DENND5A: variants seen among roughly 807,000 people sequenced by gnomAD.
DENND5A encodes the protein DENN domain containing 5A, also known as DENN domain-containing protein 5A.
Under a neutral mutation model 140.3 loss-of-function variants are expected in DENND5A, and 64 were observed. That is an observed-to-expected ratio of 0.46 (90% CI 0.37 to 0.56). The LOEUF (loss-of-function observed/expected upper bound fraction) is 0.56. Among genes scored for constraint, DENND5A ranks in the 20% least tolerant of loss-of-function variants. The pLI is 0.00. For synonymous variants in DENND5A, 605 were observed against 607.7 expected, an observed-to-expected ratio of 1.00 and a Z score of 0.07; for missense variants, 1,292 against 1,593.8, an observed-to-expected ratio of 0.81 and a Z score of 3.22.
intron 5 of DENND5A, among the ~76,000 whole-genome samples, chr11:9,187,781 T>C (rs1476514917): frequency 6.6e-6 from 1 of 152,220 alleles, no homozygotes; most frequent in African/African-American, 2.4e-5. Flanking sequence ...AGACAAAGGA[T>C]GCCTCACAAA....
intron 10 of DENND5A, among the ~76,000 whole-genome samples, chr11:9,168,590 TA>T (rs1219505724): frequency 6.6e-6 from 1 of 151,948 alleles, no homozygotes; most frequent in Non-Finnish European, 1.5e-5. Flanking sequence ...GACAGACTTT[TA>T]AAATAACACA....
intron 3 of DENND5A, 143 bp downstream of exon 3, chr11:9,206,530 G>A: frequency 1.5e-6 from 1 of 657,476 alleles, no homozygotes; most frequent in East Asian, 2.7e-5. Context: ...CCAAAATGCA[G>A]AATAATAAAC....
intron 5 of DENND5A, among the ~76,000 whole-genome samples, chr11:9,189,402 A>G (rs1270323762): frequency 6.6e-6 from 1 of 152,154 alleles, no homozygotes; most frequent in Non-Finnish European, 1.5e-5. Context: ...CCCTACTGAG[A>G]CACTGCCTAG....
At chr11:9,241,429 C>T (rs1851230477) in intron 1 of DENND5A, among the ~76,000 whole-genome samples, 7 of 152,110 alleles carry the variant, frequency 4.6e-5, no homozygotes, top group Admixed American at 1.3e-4. Context: ...GACCAGACAA[C>T]GAGAACCACT....
intron 5 of DENND5A, among the ~76,000 whole-genome samples, chr11:9,182,984 C>T (rs1848783842): frequency 6.6e-6 from 1 of 152,154 alleles, no homozygotes; most frequent in Non-Finnish European, 1.5e-5. Context: ...TCATTACATA[C>T]ACCCCCATTT....
chr11:9,143,845 T>C (rs1847329625), intron 19 of DENND5A, among the ~76,000 whole-genome samples: 1 of 152,226 alleles, frequency 6.6e-6, no homozygotes, highest in African/African-American at 2.4e-5. Flanking sequence ...GGATCATGCA[T>C]GAATATATAC....
At chr11:9,209,815 A>T (rs1441401337) in intron 1 of DENND5A, among the ~76,000 whole-genome samples, 1 of 152,092 alleles carries the variant, frequency 6.6e-6, no homozygotes, top group Non-Finnish European at 1.5e-5. Context: ...TTAAGAATAA[A>T]CAGTAAGGGG....
intron 8 of DENND5A, among the ~76,000 whole-genome samples, chr11:9,174,924 G>A (rs141864866): frequency 1.8e-4 from 27 of 151,786 alleles, no homozygotes; most frequent in East Asian, 7.7e-4. Flanking sequence ...ATTTGACTTC[G>A]TACTAGAGGT....
intron 1 of DENND5A, among the ~76,000 whole-genome samples, chr11:9,246,711 T>C (rs1268689852): frequency 6.6e-6 from 1 of 151,174 alleles, no homozygotes; most frequent in Admixed American, 6.6e-5. Context: ...AGAAAGTCAC[T>C]CCCCCTAACT....
At chr11:9,238,014 G>A (rs920339348) in intron 1 of DENND5A, among the ~76,000 whole-genome samples, 2 of 152,114 alleles carry the variant, frequency 1.3e-5, no homozygotes, top group Non-Finnish European at 2.9e-5. Context: ...AATACTCCAC[G>A]GGTCCACCAG....
At position 9,178,965 on chromosome 11, in the gene DENND5A, T is replaced by C. The variant is rs903955500; in HGVS notation, c.1564A>G (p.Asn522Asp). 7.4e-6 allele frequency: 12 copies of C among 1,614,180 alleles called. No homozygotes were observed. Among genetic ancestry groups the C allele is most frequent in the Non-Finnish European group, 1.0e-5 (12 of 1,180,024 alleles). Residue 522 changes from asparagine to aspartate, a missense_variant, in exon 7 of 23, where the codon AAT becomes GAT. Asn to Asp is a conservative substitution (Grantham distance 23). This residue lies in a region of DENND5A where 566 missense variants were observed against 650.4 expected (regional missense o/e 0.87). Transcript: ENST00000328194. ...LNIQIREVFA[N>D]RFTQMFADYE... ...TCTGCAAACATCTGAGTGAAACGAT[T>C]TGCAAAAACTTCCCGGATCTGAATG... is the stretch of plus-strand genomic sequence containing the variant.
intron 8 of DENND5A, among the ~76,000 whole-genome samples, chr11:9,174,343 T>C (rs745461505): frequency 4.0e-5 from 6 of 151,704 alleles, no homozygotes; most frequent in Non-Finnish European, 5.9e-5. Context: ...CCCAATTACA[T>C]GCTGCCTACA....
chr11:9,205,813 C>T (rs540071482), intron 3 of DENND5A, among the ~76,000 whole-genome samples: 2 of 152,270 alleles, frequency 1.3e-5, no homozygotes, highest in Admixed American at 6.5e-5. Flanking sequence ...GGGAGGATCA[C>T]TTGAGCTCAG....
intron 11 of DENND5A, among the ~76,000 whole-genome samples, chr11:9,163,787 C>T (rs1305062949): frequency 2.3e-5 from 3 of 128,908 alleles, no homozygotes; most frequent in African/African-American, 8.9e-5. Context: ...CTGGGTGACA[C>T]AGTGAGACTC....
At position 9,144,184 on chromosome 11, in the gene DENND5A, C is replaced by T. The variant is rs1239368727; in HGVS notation, c.3217G>A (p.Asp1073Asn). ...GGCGGGGTCCGGCATGGCCTCTCAT[C>T]CACCTCAGGCTGGGATGTGAGCAGC... Reference protein sequence around the residue: ...GELLTSQPEVDERPCRTPPLQ... With the variant: ...GELLTSQPEVNERPCRTPPLQ... The change falls in exon 19 of 23, where the codon GAT becomes AAT. Residue 1073 changes from aspartate to asparagine, a missense_variant. Physicochemically the swap from Asp to Asn is conservative, Grantham distance 23. Coordinates refer to ENST00000328194, the MANE Select transcript of DENND5A (RefSeq NM_015213.4). 6.2e-7 allele frequency: 1 copy of T among 1,614,178 alleles called. No individual in the cohort carries two copies. Among genetic ancestry groups the T allele is most frequent in the Admixed American group, 1.7e-5 (1 of 60,030 alleles).
intron 12 of DENND5A, among the ~76,000 whole-genome samples, chr11:9,153,705 T>A (rs771030738): frequency 4.3e-4 from 65 of 152,140 alleles, no homozygotes; most frequent in Non-Finnish European, 6.6e-4. Context: ...AAGGTATAGT[T>A]GAAGAAATGT....
rs1393878573 is a variant in DENND5A, at chr11:9,265,153, C to A, written c.-84G>T. The stretch of plus-strand genomic sequence containing the variant: ...GGCGCCCGCCCGTCCGCCCTCAGGC[C>A]GCCCCTCCCGCCGCCGCCGCTACCG... On this transcript the variant is annotated 5_prime_UTR_variant, in exon 1 of 23. Coordinates refer to ENST00000328194, the MANE Select transcript of DENND5A (RefSeq NM_015213.4). This position sits in a 1 kb window ranked among gnomAD's most constrained non-coding sequence, Gnocchi z 4.7. 4.1e-6 allele frequency: 3 copies of A among 730,738 alleles called. No individual in the cohort carries two copies. The highest frequency in any genetic ancestry group is 5.1e-6 in the Non-Finnish European group (3 of 590,108). The allele number at this position is 730,738 out of a possible 1,614,324, so 45.3% of individuals were successfully genotyped here. A position where few individuals can be genotyped will look rare whatever the true frequency, so the allele number is the denominator to read the frequency against.
rs778815923 is a variant in DENND5A at position 9,210,106 on chromosome 11, CA to C, written c.110-2475del. Among the ~76,000 whole-genome samples the C allele has an allele frequency of 1.3e-4, 18 of 143,958 alleles. No homozygotes were observed. The South Asian group carries it at 1.3e-3, about 11-fold the overall frequency. The allele number at this position is 143,958 out of a possible 152,430, so 94.4% of individuals were successfully genotyped here. On this transcript the variant is annotated intron_variant, in intron 1 of 22. Coordinates refer to ENST00000328194, the MANE Select transcript of DENND5A (RefSeq NM_015213.4). Reference sequence around the variant, plus strand: ...TGGGTGACACAGCAAGACTCCATCTCAAAAAAAAAAGAGAAGAAACAGTAGG... The same window carrying C: ...TGGGTGACACAGCAAGACTCCATCTCAAAAAAAAAGAGAAGAAACAGTAGG...
rs781103211 is a variant in DENND5A at position 9,204,336 on chromosome 11, C to T, written c.292-19G>A. ...TACATAGCTGCAAAAGACAACAAGG[C>T]AACAAGCAGTGAGAACACTCACTGG... On this transcript the variant is annotated intron_variant, in intron 3 of 22. Coordinates refer to ENST00000328194, the MANE Select transcript of DENND5A (RefSeq NM_015213.4). 2 of 1,599,058 alleles carry T rather than the reference C, an allele frequency of 1.3e-6. No individual in the cohort carries two copies. Among genetic ancestry groups the T allele is most frequent in the African/African-American group, 2.7e-5 (2 of 74,744 alleles).
Sources: allele counts gnomAD v4.1 joint callset (sites outside exome capture counted in the v4.1 genomes callset), GRCh38; gene constraint gnomAD v4.1.1; regional missense constraint gnomAD v4.1.1; non-coding constraint Gnocchi (gnomAD v3.1); transcripts MANE v1.5; gene names NCBI Gene and HGNC (gene_info 2026-07-23, HGNC 2026-07-21).